The following FBXO41 variants were observed in gnomAD, a reference collection of about 807,000 sequenced individuals.
FBXO41 encodes the protein F-box only protein 41.
Under a neutral mutation model 81.6 loss-of-function variants are expected in FBXO41, and 33 were observed. The observed-to-expected ratio is 0.40, with a 90% CI of 0.31 to 0.54. FBXO41 has a LOEUF of 0.54. Among genes scored for constraint, FBXO41 ranks in the 20% least tolerant of loss-of-function variants. FBXO41 has a pLI of 0.39. For synonymous variants in FBXO41, 576 were observed against 552.7 expected (o/e 1.04, Z -0.59); for missense variants, 1,107 against 1,236.0 (o/e 0.90, Z 1.56).
chr2:73,257,444 T>C lies in FBXO41; in HGVS notation c.*1538A>G, dbSNP rs1180413614. 6.6e-6 allele frequency: 1 copy of C among 152,138 alleles called. No homozygotes were observed. Among genetic ancestry groups the C allele is most frequent in the South Asian group, 2.1e-4 (1 of 4,828 alleles). 9.4% of individuals were successfully genotyped at this position (152,138 alleles called of 1,614,324 possible). A position where few individuals can be genotyped will look rare whatever the true frequency, so the allele number is the denominator to read the frequency against. ...AAGGTAACCTGGGGGAGGGTCTTCA[T>C]GTCCAAGCCAGGTTGTGTTAGGAAG... On this transcript the variant is annotated 3_prime_UTR_variant, in exon 13 of 13. Transcript: ENST00000520530. The surrounding 1 kb of genome is among the most constrained non-coding windows in gnomAD (Gnocchi z 4.6).
chr2:73,273,788 C>A (rs1429282257), intron 1 of FBXO41, among the ~76,000 whole-genome samples: 1 of 152,168 alleles, frequency 6.6e-6, no homozygotes, highest in Non-Finnish European at 1.5e-5. Flanking sequence ...TAGCTTTTAT[C>A]ATTTGGGTCG....
chr2:73,256,242 A>G lies in FBXO41; in HGVS notation c.*2740T>C, dbSNP rs747308049. 2 of 152,244 alleles carry G rather than the reference A, an allele frequency of 1.3e-5. No homozygotes were observed. Among genetic ancestry groups the G allele is most frequent in the Non-Finnish European group, 2.9e-5 (2 of 68,092 alleles). The allele number at this position is 152,244 out of a possible 1,614,324, so 9.4% of individuals were successfully genotyped here. A position where few individuals can be genotyped will look rare whatever the true frequency, so the allele number is the denominator to read the frequency against. The stretch of plus-strand genomic sequence containing the variant: ...GTGAAGGGATCCCGTTTGGGTGGGT[A>G]AAGATGGATGAAGTGCTTCTAGGGA... On this transcript the variant is annotated 3_prime_UTR_variant, in exon 13 of 13. Coordinates refer to ENST00000520530, the MANE Select transcript of FBXO41 (RefSeq NM_001371389.2).
chr2:73,261,550 A>G (rs910415266), intron 9 of FBXO41, among the ~76,000 whole-genome samples: 1 of 152,230 alleles, frequency 6.6e-6, no homozygotes, highest in African/African-American at 2.4e-5. Flanking sequence ...CGGTGACAAC[A>G]TAGACATGGT....
At position 73,265,946 on chromosome 2, in the gene FBXO41, C is replaced by CG; in HGVS notation, c.1151dup (p.Ala385GlyfsTer4). The CG allele has an allele frequency of 6.3e-7, 1 of 1,579,886 alleles. No individual in the cohort carries two copies. The highest frequency in any genetic ancestry group is 8.6e-7 in the Non-Finnish European group (1 of 1,162,394). On this transcript the variant is annotated frameshift_variant, in exon 4 of 13. Coordinates refer to ENST00000520530, the MANE Select transcript of FBXO41 (RefSeq NM_001371389.2). LOFTEE classifies it high-confidence loss of function. ...ACACTGCATATGTGTTAGGCACGGCCGGGCCCACGTGGTGTTCTCGCTGTG... is the reference window on the plus strand; with the variant it reads ...ACACTGCATATGTGTTAGGCACGGCCGGGGCCCACGTGGTGTTCTCGCTGTG...
chr2:73,268,695 A>C (rs376504535), intron 2 of FBXO41, 31 bp downstream of exon 2: 1 of 1,492,592 alleles, frequency 6.7e-7, no homozygotes, highest in African/African-American at 1.4e-5. Context: ...CACAGGCACA[A>C]CCACTCACAG....
chr2:73,274,329 C>T (rs1000499761), intron 1 of FBXO41, among the ~76,000 whole-genome samples: 15 of 152,226 alleles, frequency 9.9e-5, no homozygotes, highest in African/African-American at 3.6e-4. Flanking sequence ...CTGTGCACTA[C>T]TTTGCTCATT....
At chr2:73,270,127 G>T (rs879859872) in intron 1 of FBXO41, among the ~76,000 whole-genome samples, 1 of 152,168 alleles carries the variant, frequency 6.6e-6, no homozygotes, top group Admixed American at 6.5e-5. Flanking sequence ...CAGTGACATG[G>T]ATGAGTCCAT....
chr2:73,273,124 T>C (rs1688590285), intron 1 of FBXO41: 1 of 152,166 alleles, frequency 6.6e-6, no homozygotes, highest in Non-Finnish European at 1.5e-5. Flanking sequence ...ATCATTGTAG[T>C]TGGGCCTTAA....
At position 73,263,963 on chromosome 2, in the gene FBXO41, T is replaced by C. The variant is rs1488027726; in HGVS notation, c.1897A>G (p.Lys633Glu). Residue 633 changes from lysine (K) to glutamate (E), a missense_variant, in exon 7 of 13, where the codon AAG (lysine) becomes GAG (glutamate). Lys to Glu is a moderately conservative substitution (Grantham distance 56). Around this residue, in one of 2 missense-constraint regions of FBXO41, gnomAD observed 336 missense variants for 446.7 expected, o/e 0.75. Transcript: ENST00000520530. Reference sequence around the variant, plus strand: ...CGGGTGCTCCGGGCATACTCCTCCTTGCTCTCCTTCTTTCCCCGCTGCCGG... The same window carrying C: ...CGGGTGCTCCGGGCATACTCCTCCTCGCTCTCCTTCTTTCCCCGCTGCCGG... ...KPRQRGKKES[K>E]EEYARSTRGC... 6.2e-7 allele frequency: 1 copy of C among 1,609,130 alleles called. No individual in the cohort carries two copies.
chr2:73,269,585 G>T lies in FBXO41; in HGVS notation c.46C>A (p.His16Asn). ...LPYRCPRCGE[H>N]KRFRSLSSLR... ...GACGACAGGCTCCGGAAGCGCTTGTGCTCCCCGCAGCGGGGGCAGCGGTAC... is the reference window on the plus strand; with the variant it reads ...GACGACAGGCTCCGGAAGCGCTTGTTCTCCCCGCAGCGGGGGCAGCGGTAC... Residue 16 changes from histidine to asparagine, a missense_variant, in exon 2 of 13, where the codon CAC becomes AAC. Transcript: ENST00000520530. This position sits in a 1 kb window ranked among gnomAD's most constrained non-coding sequence, Gnocchi z 7.0. The T allele has an allele frequency of 7.5e-7, 1 of 1,325,964 alleles. No individual in the cohort carries two copies. Among genetic ancestry groups the T allele is most frequent in the Non-Finnish European group, 9.7e-7 (1 of 1,027,888 alleles). 82.1% of individuals were successfully genotyped at this position (1,325,964 alleles called of 1,614,324 possible).
At chr2:73,273,179 T>C (rs1184385271) in intron 1 of FBXO41, 1 of 152,200 alleles carries the variant, frequency 6.6e-6, no homozygotes, top group African/African-American at 2.4e-5. Context: ...AAACAGCCCC[T>C]TGCCATTGCC....
intron 1 of FBXO41, among the ~76,000 whole-genome samples, chr2:73,275,246 G>A (rs970473616): frequency 3.0e-4 from 44 of 147,056 alleles, no homozygotes; most frequent in Non-Finnish European, 4.9e-4. Context: ...GTGGTGTGGC[G>A]ATCTTGGCTC....
chr2:73,283,176 C>G (rs375108297), intron 1 of FBXO41, among the ~76,000 whole-genome samples: 2 of 152,214 alleles, frequency 1.3e-5, no homozygotes, highest in African/African-American at 4.8e-5. Flanking sequence ...CCCTATTAGG[C>G]CCCTGTGGGT....
In FBXO41 at chr2:73,266,488, G is replaced by C. The variant is rs371783822; in HGVS notation, c.1100C>G (p.Ala367Gly). 109 of 1,568,966 alleles carry C rather than the reference G, an allele frequency of 6.9e-5. No individual in the cohort carries two copies. The highest frequency in any genetic ancestry group is 9.1e-5 in the Non-Finnish European group (105 of 1,157,404). Residue 367 changes from alanine to glycine, a missense_variant, in exon 3 of 13, where the codon GCT (alanine) becomes GGT (glycine). Physicochemically the swap from Ala to Gly is moderately conservative, Grantham distance 60 (BLOSUM62 0). Around this residue, in one of 2 missense-constraint regions of FBXO41, gnomAD observed 771 missense variants for 789.2 expected, o/e 0.98. Transcript: ENST00000520530. This position sits in a 1 kb window ranked among gnomAD's most constrained non-coding sequence, Gnocchi z 5.3. ...GCCTGGGCCCCGGGCATTGGGTCCAGCACCACCGCCCCCACCTCCACGGCC... is the reference window on the plus strand; with the variant it reads ...GCCTGGGCCCCGGGCATTGGGTCCACCACCACCGCCCCCACCTCCACGGCC... Reference protein sequence around the residue: ...SLGRGGGGGGAGPNARGPGRM... With the variant: ...SLGRGGGGGGGGPNARGPGRM...
Position 73,268,910 on chromosome 2 carries a change from G to C in FBXO41, c.721C>G (p.Leu241Val), listed in dbSNP as rs774003291. The C allele has an allele frequency of 1.9e-5, 29 of 1,544,946 alleles. No individual in the cohort carries two copies. The highest frequency in any genetic ancestry group is 2.5e-5 in the Non-Finnish European group (29 of 1,147,998). Reference sequence around the variant, plus strand: ...TCCAGTTCGGCCGCCTTGCGCTCCAGCTCGGCCTGCAGCCGGCCCACCTGG... The same window carrying C: ...TCCAGTTCGGCCGCCTTGCGCTCCACCTCGGCCTGCAGCCGGCCCACCTGG... ...AGQVGRLQAELERKAAELETA... is the reference protein window; with the variant it reads ...AGQVGRLQAEVERKAAELETA... The change falls in exon 2 of 13, where the codon CTG becomes GTG. Residue 241 changes from leucine to valine, a missense_variant. Leu to Val is a conservative substitution (Grantham distance 32). Transcript: ENST00000520530.
Position 73,264,658 on chromosome 2 carries a change from G to T in FBXO41, c.1565-139C>A. On this transcript the variant is annotated intron_variant, in intron 5 of 12. Coordinates refer to ENST00000520530, the MANE Select transcript of FBXO41 (RefSeq NM_001371389.2). ...CCAGGGCCTAGGGAGGAAGGAAAAG[G>T]GGCCTCTGCCTCCCTGTCCTTTGCG... 3 of 1,289,220 alleles carry T rather than the reference G, an allele frequency of 2.3e-6. No homozygotes were observed. In the Admixed American group the frequency reaches 7.2e-5, roughly 31 times the overall value. The allele number at this position is 1,289,220 out of a possible 1,614,324, so 79.9% of individuals were successfully genotyped here.
chr2:73,277,350 C>T (rs1398924274), intron 1 of FBXO41, among the ~76,000 whole-genome samples: 1 of 152,194 alleles, frequency 6.6e-6, no homozygotes, highest in South Asian at 2.1e-4. Flanking sequence ...GCAATAAAGG[C>T]AGGGGGAGGT....
chr2:73,270,946 C>T (rs749317435), intron 1 of FBXO41: 43 of 531,438 alleles, frequency 8.1e-5, no homozygotes, highest in Admixed American at 4.9e-4. Context: ...GTCCCATGGC[C>T]GATACTGTTG....
At position 73,266,176 on chromosome 2, in the gene FBXO41, G is replaced by A. The variant is rs1348205246; in HGVS notation, c.1132-210C>T. 1.3e-5 allele frequency among the ~76,000 whole-genome samples: 2 copies of A among 152,110 alleles called. No individual in the cohort carries two copies. Among genetic ancestry groups the A allele is most frequent in the African/African-American group, 2.4e-5 (1 of 41,404 alleles). ...CCTCCCCACACCCACACAATACCCT[G>A]GACCCCAGCTTGTGGCTCCTGGACT... is the stretch of plus-strand genomic sequence containing the variant. On this transcript the variant is annotated intron_variant, in intron 3 of 12. Transcript: ENST00000520530. The surrounding 1 kb of genome is among the most constrained non-coding windows in gnomAD (Gnocchi z 5.3).
Sources: allele counts gnomAD v4.1 joint callset (sites outside exome capture counted in the v4.1 genomes callset), GRCh38; gene constraint gnomAD v4.1.1; regional missense constraint gnomAD v4.1.1; non-coding constraint Gnocchi (gnomAD v3.1); transcripts MANE v1.5; gene names NCBI Gene and HGNC (gene_info 2026-07-23, HGNC 2026-07-21).